Variants in ABCA10 observed in about 807,000 individuals in gnomAD.
ABCA10 encodes ATP-binding cassette sub-family A member 10.
Under a neutral mutation model 187.5 loss-of-function variants are expected in ABCA10, and 169 were observed. The ratio of observed to expected loss-of-function variants is 0.90; its 90% confidence interval spans 0.80 to 1.02. ABCA10 has a LOEUF of 1.02. Among genes scored for constraint, ABCA10 ranks in the 50% least tolerant of loss-of-function variants. The probability of loss-of-function intolerance (pLI) is 0.00; values close to 1 mark genes in which losing one functional copy is unlikely to be tolerated. For synonymous variants in ABCA10, 574 were observed against 601.8 expected (o/e 0.95, Z 0.68); for missense variants, 1,727 against 1,812.4 (o/e 0.95, Z 0.86).
At chr17:69,213,542 A>G (rs2074676952) in intron 9 of ABCA10, among the ~76,000 whole-genome samples, 1 of 152,304 alleles carries the variant, frequency 6.6e-6, no homozygotes, top group African/African-American at 2.4e-5. Flanking sequence ...CAGCTCCCAC[A>G]CAGTCAGCAA....
chr17:69,232,424 A>C (rs1293682275), upstream of ABCA10, among the ~76,000 whole-genome samples: 1 of 151,894 alleles, frequency 6.6e-6, no homozygotes, highest in Non-Finnish European at 1.5e-5. Context: ...GGTTACCGTA[A>C]GGCTGACAAA....
At chr17:69,185,671 T>C in intron 19 of ABCA10, 28 bp from the exon 20 acceptor site, 1 of 1,528,996 alleles carries the variant, frequency 6.5e-7, no homozygotes, top group South Asian at 1.2e-5. Flanking sequence ...ATAACATGAG[T>C]CTGAAGCAAT....
At chr17:69,166,853 T>A (rs755405728) in intron 25 of ABCA10, among the ~76,000 whole-genome samples, 4 of 152,086 alleles carry the variant, frequency 2.6e-5, no homozygotes, top group Non-Finnish European at 4.4e-5. Flanking sequence ...GGGGGAAAAG[T>A]GCCACAAAGG....
rs905475267 is a variant in ABCA10, at chr17:69,214,867, A to G, written c.859-16T>C. 1 of 1,460,776 alleles carries G rather than the reference A, an allele frequency of 6.8e-7. No individual in the cohort carries two copies. The highest frequency in any genetic ancestry group is 1.5e-5 in the African/African-American group (1 of 67,198). 90.5% of individuals were successfully genotyped at this position (1,460,776 alleles called of 1,614,324 possible). ...GGTGTGTAATCTGAGATTTAAAAGA[A>G]AAAATAAAATGTTAGATGAACTTAT... On this transcript the variant is annotated splice_polypyrimidine_tract_variant and intron_variant, in intron 8 of 38. Transcript: ENST00000690296.
rs2074106898 is a variant in ABCA10, at chr17:69,148,786, T to C, written c.*41A>G. On this transcript the variant is annotated 3_prime_UTR_variant, in exon 39 of 39. Coordinates refer to ENST00000690296, the MANE Select transcript of ABCA10 (RefSeq NM_001377321.1). ...CTTGTAGAATTATGGAAACTAACAA[T>C]GTAGTAGGACCTAAAATTGAATGTT... is the stretch of plus-strand genomic sequence containing the variant. 6.8e-7 allele frequency: 1 copy of C among 1,477,626 alleles called. No individual in the cohort carries two copies. The highest frequency in any genetic ancestry group is 1.8e-5 in the Admixed American group (1 of 57,070). 91.5% of individuals were successfully genotyped at this position (1,477,626 alleles called of 1,614,324 possible).
chr17:69,209,199 C>A (rs1423595318), intron 9 of ABCA10, among the ~76,000 whole-genome samples: 1 of 152,128 alleles, frequency 6.6e-6, no homozygotes, highest in Non-Finnish European at 1.5e-5. Context: ...TTTAAATTAT[C>A]AAATATGAGA....
rs566964315 is a variant in ABCA10 at position 69,175,669 on chromosome 17, G to A, written c.2770-156C>T. The A allele has an allele frequency of 3.7e-4, 207 of 553,172 alleles. No individual in the cohort carries two copies. In the African/African-American group the frequency reaches 3.8e-3, roughly 10 times the overall value. 34.3% of individuals were successfully genotyped at this position (553,172 alleles called of 1,614,324 possible). A position where few individuals can be genotyped will look rare whatever the true frequency, so the allele number is the denominator to read the frequency against. On this transcript the variant is annotated intron_variant, in intron 22 of 38. Coordinates refer to ENST00000690296, the MANE Select transcript of ABCA10 (RefSeq NM_001377321.1). ...CAAACATGTTTTGTTAACCTTAGTG[G>A]CAGGTTCCATTCCCAGGAACAGCAT...
chr17:69,222,793 T>C, intron 3 of ABCA10, 96 bp from the exon 4 acceptor site: 2 of 1,142,106 alleles, frequency 1.8e-6, no homozygotes, highest in South Asian at 4.0e-5. Context: ...ATAAAATTAG[T>C]GGTATTATAT....
At chr17:69,226,833 G>A (rs1014718823) in intron 2 of ABCA10, among the ~76,000 whole-genome samples, 1 of 151,882 alleles carries the variant, frequency 6.6e-6, no homozygotes, top group Non-Finnish European at 1.5e-5. Context: ...TTAGCTAAGA[G>A]TAAATCAGAA....
intron 10 of ABCA10, among the ~76,000 whole-genome samples, chr17:69,198,566 C>A (rs1178308960): frequency 6.6e-6 from 1 of 152,168 alleles, no homozygotes. Context: ...AAATCCCTGA[C>A]ATTTGCAGCA....
chr17:69,153,675 C>A, intron 32 of ABCA10, 129 bp from the exon 33 acceptor site: 1 of 1,438,336 alleles, frequency 7.0e-7, no homozygotes, highest in Non-Finnish European at 9.4e-7. Flanking sequence ...TTCATAAATG[C>A]TAAATCTTAT....
chr17:69,219,585 T>A lies in ABCA10; in HGVS notation c.490A>T (p.Lys164Ter). 1 of 1,608,388 alleles carries A rather than the reference T, an allele frequency of 6.2e-7. No homozygotes were observed. Among genetic ancestry groups the A allele is most frequent in the Non-Finnish European group, 8.5e-7 (1 of 1,177,754 alleles). Residue 164 changes from lysine to a stop codon, truncating the protein, a stop_gained, in exon 6 of 39, where the codon AAA (lysine) becomes TAA (stop). Coordinates refer to ENST00000690296, the MANE Select transcript of ABCA10 (RefSeq NM_001377321.1). LOFTEE classifies it high-confidence loss of function. Reference protein sequence around the residue: ...NVARERGKFKKLMTVMGLRES... With the variant: ...NVARERGKFK ...CGGAGACCCATCACTGTCATCAGTT[T>A]CTTAAATTTTCCTCTTTCCCTTGCA...
intron 11 of ABCA10, 110 bp from the exon 12 acceptor site, chr17:69,194,605 TA>T: frequency 1.6e-6 from 1 of 632,614 alleles, no homozygotes. Flanking sequence ...ATTGGTATTT[TA>T]ATACATCCCC....
chr17:69,210,379 C>T (rs2074632983), intron 9 of ABCA10, among the ~76,000 whole-genome samples: 2 of 149,448 alleles, frequency 1.3e-5, no homozygotes, highest in African/African-American at 5.0e-5. Context: ...TTAGTAGAGA[C>T]GGGGTTTCAC....
chr17:69,188,128 A>G (rs981572034), intron 18 of ABCA10, among the ~76,000 whole-genome samples: 6 of 152,184 alleles, frequency 3.9e-5, no homozygotes, highest in East Asian at 1.9e-4. Context: ...TTTCATACCA[A>G]TAACAGTAGC....
intron 27 of ABCA10, among the ~76,000 whole-genome samples, chr17:69,157,998 A>C (rs889474425): frequency 6.6e-6 from 1 of 152,022 alleles, no homozygotes; most frequent in Non-Finnish European, 1.5e-5. Context: ...ATCATTCTTA[A>C]CAGAGGCTCA....
intron 28 of ABCA10, 65 bp from the exon 29 acceptor site, chr17:69,155,990 A>T (rs1205533038): frequency 6.7e-7 from 1 of 1,490,362 alleles, no homozygotes; most frequent in Non-Finnish European, 9.0e-7. Flanking sequence ...GAAAATGTAA[A>T]CCCCTATAAT....
Position 69,219,667 on chromosome 17 carries a change from A to G in ABCA10, c.408T>C (p.Phe136=). The change falls in exon 6 of 39, where the codon TTT becomes TTC. Residue 136 remains phenylalanine, a synonymous_variant. Coordinates refer to ENST00000690296, the MANE Select transcript of ABCA10 (RefSeq NM_001377321.1). ...ISKGEIMNEW[F]HFTCLVSFSS... is the part of the protein sequence containing the mutation. ...AGAAAGAAACTAAGCAAGTAAAATGAAACCATTCATTCATAATTTCTCCCT... is the reference window on the plus strand; with the variant it reads ...AGAAAGAAACTAAGCAAGTAAAATGGAACCATTCATTCATAATTTCTCCCT... 1.2e-6 allele frequency: 2 copies of G among 1,611,124 alleles called. No individual in the cohort carries two copies. Among genetic ancestry groups the G allele is most frequent in the Non-Finnish European group, 8.5e-7 (1 of 1,178,318 alleles).
rs1170184550 is a variant in ABCA10, at chr17:69,193,267, A to G, written c.1642-19T>C. On this transcript the variant is annotated intron_variant, in intron 14 of 38. Coordinates refer to ENST00000690296, the MANE Select transcript of ABCA10 (RefSeq NM_001377321.1). ...GCAAAACCTACAGAGGAGGAAACGTATGAAAGCATCTTCCTCTTCACAGTG... is the reference window on the plus strand; with the variant it reads ...GCAAAACCTACAGAGGAGGAAACGTGTGAAAGCATCTTCCTCTTCACAGTG... 6.2e-7 allele frequency: 1 copy of G among 1,605,632 alleles called. No individual in the cohort carries two copies.
Sources: allele counts gnomAD v4.1 joint callset (sites outside exome capture counted in the v4.1 genomes callset), GRCh38; gene constraint gnomAD v4.1.1; transcripts MANE v1.5; gene names NCBI Gene and HGNC (gene_info 2026-07-23, HGNC 2026-07-21).